RSPO4: variants seen among roughly 807,000 people sequenced by gnomAD.
RSPO4 encodes R-spondin-4.
RSPO4 carries 23 observed loss-of-function variants against 24.8 expected under a neutral mutation model. The ratio of observed to expected loss-of-function variants is 0.93; its 90% CI spans 0.67 to 1.31. The LOEUF (loss-of-function observed/expected upper bound fraction) is 1.31. Among genes scored for constraint, RSPO4 ranks in the 40% most tolerant of loss-of-function variants. RSPO4 has a pLI of 0.00. For missense variants in RSPO4, 333 were observed against 316.5 expected (o/e 1.05, Z -0.39); for synonymous variants, 141 against 127.4 (o/e 1.11, Z -0.72).
intron 1 of RSPO4, among the ~76,000 whole-genome samples, chr20:995,014 T>C (rs1985231530): frequency 6.6e-6 from 1 of 152,170 alleles, no homozygotes; most frequent in South Asian, 2.1e-4. Flanking sequence ...CAATTCAAGT[T>C]TTGCCTTCAC....
chr20:961,222 G>A (rs189878302), intron 4 of RSPO4, among the ~76,000 whole-genome samples: 2 of 152,284 alleles, frequency 1.3e-5, no homozygotes, highest in Admixed American at 6.5e-5. Context: ...ATGGTTGGGA[G>A]CAAGGCCAGC....
chr20:967,976 C>T lies in RSPO4; in HGVS notation c.242G>A (p.Arg81His), dbSNP rs780874153. 10 of 1,614,140 alleles carry T rather than the reference C, an allele frequency of 6.2e-6. No individual in the cohort carries two copies. Among genetic ancestry groups the T allele is most frequent in the African/African-American group, 4.0e-5 (3 of 74,958 alleles). The change falls in exon 2 of 5, where the codon CGC becomes CAC. Residue 81 changes from arginine (R) to histidine (H), a missense_variant. Transcript: ENST00000217260. ...TTTGCACCTGTTGACCTCCTGGCCG[C>T]GGATGCCGAAGTACCCAGGGGGACA... ...HDCPPGYFGI[R>H]GQEVNRCKKC...
Position 982,901 on chromosome 20 carries a change from G to A in RSPO4, c.80-14763C>T, listed in dbSNP as rs139455124. On this transcript the variant is annotated intron_variant, in intron 1 of 4. Transcript: ENST00000217260. ...GGCTGTGGAAGCTTCAGCTTTGGCT[G>A]AGTAGGACGTCTGCAGTGGCAGGAC... Among the ~76,000 whole-genome samples, 240 of 152,352 alleles carry A rather than the reference G, an allele frequency of 1.6e-3. 2 individuals carry two copies. The highest frequency in any genetic ancestry group is 5.1e-3 in the African/African-American group (212 of 41,580).
At chr20:984,586 A>G (rs183845459) in intron 1 of RSPO4, among the ~76,000 whole-genome samples, 75 of 152,278 alleles carry the variant, frequency 4.9e-4, no homozygotes, top group Admixed American at 2.6e-3. Flanking sequence ...CTCCAGCCCA[A>G]TGCTCCATGC....
intron 1 of RSPO4, among the ~76,000 whole-genome samples, chr20:1,000,378 A>C (rs955359847): frequency 6.6e-6 from 1 of 152,098 alleles, no homozygotes; most frequent in African/African-American, 2.4e-5. Flanking sequence ...CCCTCCCTCC[A>C]CTAAGCCACT....
rs185631635 is a variant in RSPO4, at chr20:992,185, G to A, written c.79+9901C>T. 4.0e-5 allele frequency among the ~76,000 whole-genome samples: 6 copies of A among 151,608 alleles called. 1 individual carries two copies. In the East Asian group the frequency reaches 5.8e-4, roughly 15 times the overall value. ...CATTTGTAATGTGCTGGCAACATAC[G>A]CACACGCACACGGATGCATGTTACA... On this transcript the variant is annotated intron_variant, in intron 1 of 4. Transcript: ENST00000217260.
Position 992,494 on chromosome 20 carries a change from C to G in RSPO4, c.79+9592G>C, listed in dbSNP as rs542942596. ...ACAGAGGCAGGGCCATCTCTGACAT[C>G]AGGCTCGAACGTTCTGTACACTAGG... On this transcript the variant is annotated intron_variant, in intron 1 of 4. Transcript: ENST00000217260. 3.1e-4 allele frequency among the ~76,000 whole-genome samples: 47 copies of G among 152,238 alleles called. No individual in the cohort carries two copies. The South Asian group carries it at 9.5e-3, about 31-fold the overall frequency.
chr20:976,839 C>A (rs1600094132), intron 1 of RSPO4, among the ~76,000 whole-genome samples: 1 of 152,122 alleles, frequency 6.6e-6, no homozygotes, highest in Non-Finnish European at 1.5e-5. Flanking sequence ...GGATAGATTT[C>A]TAGCATTTAA....
chr20:964,417 A>C (rs889404312), intron 3 of RSPO4, among the ~76,000 whole-genome samples: 4 of 152,116 alleles, frequency 2.6e-5, no homozygotes, highest in Admixed American at 6.6e-5. Context: ...TCAGGTGAGA[A>C]GAAGGAAGCC....
intron 3 of RSPO4, among the ~76,000 whole-genome samples, 167 bp from the exon 4 acceptor site, chr20:964,287 G>A (rs1210611883): frequency 2.0e-5 from 3 of 152,216 alleles, no homozygotes; most frequent in African/African-American, 4.8e-5. Flanking sequence ...GAATGAGAGC[G>A]AAACGAATGC....
chr20:958,568 T>G lies in RSPO4; in HGVS notation c.*1789A>C, dbSNP rs1983867276. The G allele has an allele frequency of 6.9e-6, 1 of 143,886 alleles. No homozygotes were observed. Among genetic ancestry groups the G allele is most frequent in the Non-Finnish European group, 1.5e-5 (1 of 66,206 alleles). 8.9% of individuals were successfully genotyped at this position (143,886 alleles called of 1,614,324 possible). ...GTTTGCAGAAGAGAAGCTGGTGGCC[T>G]GGCCAGGCGGAGGAGGGGGCTCTAG... On this transcript the variant is annotated 3_prime_UTR_variant, in exon 5 of 5. Coordinates refer to ENST00000217260, the MANE Select transcript of RSPO4 (RefSeq NM_001029871.4).
In RSPO4 at chr20:960,372, G is replaced by A. The variant is rs751507935; in HGVS notation, c.690C>T (p.Pro230=). Residue 230 remains proline, a synonymous_variant, in exon 5 of 5, where the codon CCC becomes CCT. Coordinates refer to ENST00000217260, the MANE Select transcript of RSPO4 (RefSeq NM_001029871.4). ...GAGCCGGCGGTCAGGGCTGCAGGCC[G>A]GGCTGGCGCGGCCTCACGTCCAGCC... ...DRRLDVRPRQ[P]GLQP 47 of 1,536,780 alleles carry A rather than the reference G, an allele frequency of 3.1e-5. No homozygotes were observed. The South Asian group carries it at 3.3e-4, about 11-fold the overall frequency.
intron 1 of RSPO4, among the ~76,000 whole-genome samples, chr20:974,171 G>C (rs1028602717): frequency 2.0e-5 from 3 of 152,194 alleles, no homozygotes; most frequent in Admixed American, 6.5e-5. Context: ...GGCTTGTAAA[G>C]CGTCTGCTGT....
Position 964,033 on chromosome 20 carries a change from C to T in RSPO4, c.497G>A (p.Arg166Gln), listed in dbSNP as rs201621545. 1.5e-4 allele frequency: 250 copies of T among 1,613,716 alleles called. No individual in the cohort carries two copies. The highest frequency in any genetic ancestry group is 2.0e-4 in the Non-Finnish European group (235 of 1,180,026). Residue 166 changes from arginine (R) to glutamine (Q), a missense_variant, in exon 4 of 5, where the codon CGG (arginine) becomes CAG (glutamine). By Grantham distance (43) the Arg-to-Gln change is conservative. Coordinates refer to ENST00000217260, the MANE Select transcript of RSPO4 (RefSeq NM_001029871.4). Reference sequence around the variant, plus strand: ...CCCAGCCCGGCCAGCCTCTCGTACCCGGCTCTCCAGGCCCCAAGCCGAGCC... The same window carrying T: ...CCCAGCCCGGCCAGCCTCTCGTACCTGGCTCTCCAGGCCCCAAGCCGAGCC... Reference protein sequence around the residue: ...TCGSAWGLESRVREAGRAGHE... With the variant: ...TCGSAWGLESQVREAGRAGHE...
intron 1 of RSPO4, among the ~76,000 whole-genome samples, chr20:978,412 T>C (rs557857305): frequency 6.6e-6 from 1 of 152,318 alleles, no homozygotes; most frequent in African/African-American, 2.4e-5. Flanking sequence ...GAGATGCTCC[T>C]TTGAGGGCTG....
In RSPO4 at chr20:1,000,000, C is replaced by G. The variant is rs1568936734; in HGVS notation, c.79+2086G>C. ...TCTCCTGCCTCAGCCTCCCAAGTAG[C>G]TGGAATTACAGGCGCCCGCCACCAC... On this transcript the variant is annotated intron_variant, in intron 1 of 4. Coordinates refer to ENST00000217260, the MANE Select transcript of RSPO4 (RefSeq NM_001029871.4). Among the ~76,000 whole-genome samples, 4 of 152,184 alleles carry G rather than the reference C, an allele frequency of 2.6e-5. No individual in the cohort carries two copies. In the South Asian group the frequency reaches 8.3e-4, roughly 32 times the overall value.
chr20:980,823 G>A (rs747053257), intron 1 of RSPO4, among the ~76,000 whole-genome samples: 18 of 152,100 alleles, frequency 1.2e-4, no homozygotes, highest in Non-Finnish European at 2.2e-4. Context: ...CGACACATGC[G>A]GTTGTTTTAA....
Position 981,327 on chromosome 20 carries a change from C to T in RSPO4, c.80-13189G>A, listed in dbSNP as rs1316317926. Among the ~76,000 whole-genome samples the T allele has an allele frequency of 6.6e-6, 1 of 152,124 alleles. No individual in the cohort carries two copies. The highest frequency in any genetic ancestry group is 1.5e-5 in the Non-Finnish European group (1 of 68,018). ...ATCATAGGAGGCCCGGAGTTCGAGACCAGCCTGGCCAACATGGCAAAACCC... is the reference window on the plus strand; with the variant it reads ...ATCATAGGAGGCCCGGAGTTCGAGATCAGCCTGGCCAACATGGCAAAACCC... On this transcript the variant is annotated intron_variant, in intron 1 of 4. Transcript: ENST00000217260. This position sits in a 1 kb window ranked among gnomAD's most constrained non-coding sequence, Gnocchi z 4.6.
intron 1 of RSPO4, among the ~76,000 whole-genome samples, chr20:989,998 A>G (rs548659827): frequency 6.6e-5 from 10 of 152,302 alleles, no homozygotes; most frequent in African/African-American, 2.4e-4. Context: ...TAACCCCACA[A>G]GGTGGGGGCT....
Sources: gnomAD v4.1 joint callset for allele counts (sites outside exome capture counted in the v4.1 genomes callset) on GRCh38, gnomAD v4.1.1 for gene constraint, Gnocchi (gnomAD v3.1) non-coding constraint, MANE v1.5 for transcripts, NCBI Gene and HGNC (gene_info 2026-07-23, HGNC 2026-07-21) for gene names.